ADAMTS16: variants seen among roughly 807,000 people sequenced by gnomAD.
The protein encoded by ADAMTS16 is A disintegrin and metalloproteinase with thrombospondin motifs 16.
In ADAMTS16, 94 loss-of-function variants were observed where a neutral mutation model predicts 145.8. The ratio of observed to expected loss-of-function variants is 0.64; its 90% CI spans 0.55 to 0.77. ADAMTS16 has a LOEUF of 0.77. ADAMTS16 is among the 30% of genes least tolerant of loss of function. ADAMTS16 has a pLI of 0.00. For synonymous variants in ADAMTS16, 659 were observed against 604.3 expected (o/e 1.09, Z -1.33); for missense variants, 1,585 against 1,591.5 (o/e 1.00, Z 0.07).
chr5:5,216,904 A>G (rs1184865598), intron 10 of ADAMTS16, among the ~76,000 whole-genome samples: 2 of 151,254 alleles, frequency 1.3e-5, no homozygotes, highest in African/African-American at 4.9e-5. Flanking sequence ...ACGATTTCCA[A>G]TTTCATCCAT....
rs569112846 is a variant in ADAMTS16 at position 5,294,235 on chromosome 5, G to A, written c.2790-9033G>A. Among the ~76,000 whole-genome samples the A allele has an allele frequency of 5.3e-5, 8 of 152,328 alleles. No individual in the cohort carries two copies. In the East Asian group the frequency reaches 1.5e-3, roughly 29 times the overall value. ...GAACCAATTATATGCGGATGTGCCTGTGTGAGGTAAAGGCTCTCCTGGTTG... is the reference window on the plus strand; with the variant it reads ...GAACCAATTATATGCGGATGTGCCTATGTGAGGTAAAGGCTCTCCTGGTTG... On this transcript the variant is annotated intron_variant, in intron 18 of 22. Transcript: ENST00000274181.
At chr5:5,218,723 T>TG (rs1286944981) in intron 10 of ADAMTS16, among the ~76,000 whole-genome samples, 1 of 152,170 alleles carries the variant, frequency 6.6e-6, no homozygotes, top group Non-Finnish European at 1.5e-5. Flanking sequence ...GCAAGGTGGA[T>TG]GGGGAATCAG....
chr5:5,184,385 C>T (rs978047326), intron 4 of ADAMTS16, among the ~76,000 whole-genome samples: 3 of 152,100 alleles, frequency 2.0e-5, no homozygotes, highest in African/African-American at 4.8e-5. Flanking sequence ...CACCTATGCA[C>T]GGACACATCC....
At position 5,319,198 on chromosome 5, in the gene ADAMTS16, T is replaced by A; in HGVS notation, c.*60T>A. 2 of 1,262,616 alleles carry A rather than the reference T, an allele frequency of 1.6e-6. No individual in the cohort carries two copies. The highest frequency in any genetic ancestry group is 2.5e-5 in the South Asian group (2 of 79,650). The allele number at this position is 1,262,616 out of a possible 1,614,324, so 78.2% of individuals were successfully genotyped here. ...GCGTGGCACAGAAATTTCCCACAAA[T>A]GAGCTGTGCAATCTACGTCGGAATA... On this transcript the variant is annotated 3_prime_UTR_variant, in exon 23 of 23. Transcript: ENST00000274181.
At position 5,260,244 on chromosome 5, in the gene ADAMTS16, A is replaced by G. The variant is rs534854451; in HGVS notation, c.2663-2413A>G. The stretch of plus-strand genomic sequence containing the variant: ...TACATTTCCAGAGTTTAAATCTTGT[A>G]CTTTCATAGAAATATTCTTCTTCAA... On this transcript the variant is annotated intron_variant, in intron 17 of 22. Coordinates refer to ENST00000274181, the MANE Select transcript of ADAMTS16 (RefSeq NM_139056.4). 3.3e-4 allele frequency among the ~76,000 whole-genome samples: 49 copies of G among 150,350 alleles called. 7 individuals carry two copies. Among genetic ancestry groups the G allele is most frequent in the African/African-American group, 1.2e-3 (49 of 40,164 alleles).
At chr5:5,306,761 C>A (rs755911183) in intron 21 of ADAMTS16, 33 bp downstream of exon 21, 1 of 1,547,998 alleles carries the variant, frequency 6.5e-7, no homozygotes, top group Non-Finnish European at 8.8e-7. Context: ...GGAGAGTGGG[C>A]GAGCACAGCT....
At chr5:5,253,738 T>C (rs1737697954) in intron 17 of ADAMTS16, among the ~76,000 whole-genome samples, 1 of 152,172 alleles carries the variant, frequency 6.6e-6, no homozygotes, top group African/African-American at 2.4e-5. Context: ...AGACCCCACC[T>C]GGTCACCACA....
intron 2 of ADAMTS16, among the ~76,000 whole-genome samples, chr5:5,143,060 T>C (rs564729807): frequency 2.7e-4 from 41 of 152,300 alleles, no homozygotes; most frequent in African/African-American, 7.5e-4. Context: ...TAACTCAAGG[T>C]GGATTAACTA....
intron 17 of ADAMTS16, among the ~76,000 whole-genome samples, chr5:5,252,203 T>A (rs1255214587): frequency 6.6e-6 from 1 of 152,176 alleles, no homozygotes. Context: ...AAAGTCGCTT[T>A]CCATTGTGTT....
At chr5:5,159,406 G>A (rs1429814574) in intron 3 of ADAMTS16, among the ~76,000 whole-genome samples, 1 of 152,254 alleles carries the variant, frequency 6.6e-6, no homozygotes, top group East Asian at 1.9e-4. Flanking sequence ...GGCCTCCTAG[G>A]GCTGAGTGAG....
At chr5:5,224,422 T>G (rs1269280847) in intron 11 of ADAMTS16, among the ~76,000 whole-genome samples, 1 of 152,162 alleles carries the variant, frequency 6.6e-6, no homozygotes. Flanking sequence ...CCTGAGTAGC[T>G]GGGATTATAG....
intron 8 of ADAMTS16, among the ~76,000 whole-genome samples, chr5:5,192,830 C>T (rs950702690): frequency 7.2e-5 from 11 of 152,126 alleles, no homozygotes; most frequent in Non-Finnish European, 1.2e-4. Flanking sequence ...CTTGAAGTAT[C>T]GTCTGTTAAA....
chr5:5,235,002 T>C lies in ADAMTS16; in HGVS notation c.1851-12T>C. ...AAATATAAAAATTCTAACTTCAAAA[T>C]ACACATTCCAGGCCATCGCATGGAG... is the stretch of plus-strand genomic sequence containing the variant. On this transcript the variant is annotated splice_polypyrimidine_tract_variant and intron_variant, in intron 12 of 22. Coordinates refer to ENST00000274181, the MANE Select transcript of ADAMTS16 (RefSeq NM_139056.4). 6.5e-7 allele frequency: 1 copy of C among 1,528,792 alleles called. No homozygotes were observed. Among genetic ancestry groups the C allele is most frequent in the Non-Finnish European group, 8.9e-7 (1 of 1,129,244 alleles). 94.7% of individuals were successfully genotyped at this position (1,528,792 alleles called of 1,614,324 possible).
intron 3 of ADAMTS16, among the ~76,000 whole-genome samples, chr5:5,160,013 G>T (rs1422176751): frequency 1.3e-5 from 2 of 152,130 alleles, no homozygotes; most frequent in Non-Finnish European, 2.9e-5. Flanking sequence ...TTATCATTAG[G>T]TAATAAATAA....
At chr5:5,230,757 T>C (rs529220944) in intron 11 of ADAMTS16, among the ~76,000 whole-genome samples, 1 of 152,360 alleles carries the variant, frequency 6.6e-6, no homozygotes, top group African/African-American at 2.4e-5. Flanking sequence ...AACGATGTTA[T>C]GATGCACATT....
intron 7 of ADAMTS16, among the ~76,000 whole-genome samples, chr5:5,190,440 G>C (rs372282304): frequency 9.9e-5 from 15 of 151,992 alleles, no homozygotes; most frequent in African/African-American, 3.6e-4. Context: ...TAGATCGAAG[G>C]CTTTCTCATT....
At chr5:5,190,859 G>A (rs75507767) in intron 7 of ADAMTS16, among the ~76,000 whole-genome samples, 33 of 152,210 alleles carry the variant, frequency 2.2e-4, no homozygotes, top group Non-Finnish European at 4.0e-4. Context: ...AACTCAGGTT[G>A]TAGGATGGTT....
At chr5:5,229,989 TG>T (rs754585809) in intron 11 of ADAMTS16, among the ~76,000 whole-genome samples, 39 of 152,330 alleles carry the variant, frequency 2.6e-4, no homozygotes, top group Non-Finnish European at 4.3e-4. Flanking sequence ...ACCAATGCTC[TG>T]GGCCTCACCA....
At chr5:5,159,094 CA>C (rs1443395121) in intron 3 of ADAMTS16, among the ~76,000 whole-genome samples, 1 of 152,208 alleles carries the variant, frequency 6.6e-6, no homozygotes, top group Non-Finnish European at 1.5e-5. Flanking sequence ...TGTCTTTTAT[CA>C]AAATCCAGAA....
Sources: gnomAD v4.1 joint callset for allele counts (sites outside exome capture counted in the v4.1 genomes callset) on GRCh38, gnomAD v4.1.1 for gene constraint, MANE v1.5 for transcripts, NCBI Gene and HGNC (gene_info 2026-07-23, HGNC 2026-07-21) for gene names.